FMN2: variants seen among roughly 807,000 people sequenced by gnomAD.
FMN2 encodes the protein formin 2.
FMN2 carries 51 observed loss-of-function variants against 142.3 expected under a neutral mutation model. The ratio of observed to expected loss-of-function variants is 0.36; its 90% CI spans 0.29 to 0.45. The LOEUF (loss-of-function observed/expected upper bound fraction) is 0.45. Among genes scored for constraint, FMN2 ranks in the 20% least tolerant of loss-of-function variants. The probability of loss-of-function intolerance (pLI) is 1.00; values close to 1 mark genes in which losing one functional copy is unlikely to be tolerated. For synonymous variants in FMN2, 882 were observed against 869.8 expected (o/e 1.01, Z -0.25); for missense variants, 1,936 against 2,122.8 (o/e 0.91, Z 1.73).
chr1:240,423,836 G>C (rs1674850769), intron 15 of FMN2, among the ~76,000 whole-genome samples: 1 of 152,194 alleles, frequency 6.6e-6, no homozygotes, highest in Non-Finnish European at 1.5e-5. Context: ...CAGAACTGCT[G>C]CATTGACAGT....
At chr1:240,429,722 A>G (rs1198392444) in intron 15 of FMN2, among the ~76,000 whole-genome samples, 1 of 152,176 alleles carries the variant, frequency 6.6e-6, no homozygotes, top group Non-Finnish European at 1.5e-5. Flanking sequence ...GAGGAACTTC[A>G]TATTGATATA....
At chr1:240,269,664 T>C (rs1329687313) in intron 7 of FMN2, among the ~76,000 whole-genome samples, 1 of 152,058 alleles carries the variant, frequency 6.6e-6, no homozygotes, top group Non-Finnish European at 1.5e-5. Context: ...TATTGAGTCT[T>C]CCAATCCATA....
Position 240,144,510 on chromosome 1 carries a change from C to T in FMN2, c.1782+21165C>T, listed in dbSNP as rs1193414140. 2.7e-6 allele frequency: 4 copies of T among 1,509,010 alleles called. No individual in the cohort carries two copies. In the African/African-American group the frequency reaches 5.5e-5, roughly 21 times the overall value. 93.5% of individuals were successfully genotyped at this position (1,509,010 alleles called of 1,614,324 possible). A position where few individuals can be genotyped will look rare whatever the true frequency, so the allele number is the denominator to read the frequency against. On this transcript the variant is annotated intron_variant, in intron 2 of 17. Transcript: ENST00000319653. ...AGCATGAATGCCATCTGTTTCTGTA[C>T]TACCACATCCTCGCAGGATGTGAAG...
chr1:240,196,296 C>T (rs576457054), intron 4 of FMN2, among the ~76,000 whole-genome samples: 2 of 152,264 alleles, frequency 1.3e-5, no homozygotes, highest in Admixed American at 6.5e-5. Flanking sequence ...CATTACTTCT[C>T]AGCTAAGGTG....
chr1:240,098,064 C>A (rs1418652765), intron 1 of FMN2, among the ~76,000 whole-genome samples: 2 of 141,402 alleles, frequency 1.4e-5, no homozygotes, highest in East Asian at 4.3e-4. Context: ...GATTGTGCAA[C>A]TCTGATTTTG....
At chr1:240,152,264 T>G (rs1178534715) in intron 2 of FMN2, among the ~76,000 whole-genome samples, 1 of 152,018 alleles carries the variant, frequency 6.6e-6, no homozygotes, top group Non-Finnish European at 1.5e-5. Flanking sequence ...GTCTAGAATC[T>G]GTGTGCTCTT....
At chr1:240,155,031 G>A (rs940418779) in intron 2 of FMN2, among the ~76,000 whole-genome samples, 1 of 151,334 alleles carries the variant, frequency 6.6e-6, no homozygotes, top group Non-Finnish European at 1.5e-5. Flanking sequence ...GCTAGGACTA[G>A]AGTTGCACAC....
At chr1:240,241,168 T>C (rs1240947289) in intron 6 of FMN2, among the ~76,000 whole-genome samples, 2 of 151,878 alleles carry the variant, frequency 1.3e-5, no homozygotes, top group African/African-American at 4.8e-5. Flanking sequence ...ATATACCTAA[T>C]GCCATTTTGT....
chr1:240,117,401 T>G (rs1662066323), intron 1 of FMN2, among the ~76,000 whole-genome samples: 1 of 152,202 alleles, frequency 6.6e-6, no homozygotes. Flanking sequence ...TGGCTTTCTT[T>G]TACAATGTTC....
intron 1 of FMN2, among the ~76,000 whole-genome samples, chr1:240,122,755 A>C (rs143238389): frequency 4.6e-4 from 70 of 152,206 alleles, no homozygotes; most frequent in African/African-American, 1.6e-3. Context: ...CATGTCTATT[A>C]AAGAAAAAAA....
chr1:240,381,623 C>T (rs1425705895), intron 14 of FMN2, among the ~76,000 whole-genome samples: 2 of 151,996 alleles, frequency 1.3e-5, no homozygotes, highest in African/African-American at 4.8e-5. Context: ...AGATACGGGA[C>T]TTCTCCATGT....
chr1:240,275,761 T>C (rs889973460), intron 7 of FMN2, among the ~76,000 whole-genome samples: 3 of 152,204 alleles, frequency 2.0e-5, no homozygotes, highest in African/African-American at 7.2e-5. Context: ...TGTTGTTTCC[T>C]GACTTTTTAA....
intron 7 of FMN2, among the ~76,000 whole-genome samples, chr1:240,286,901 T>C (rs2102947093): frequency 6.6e-6 from 1 of 152,296 alleles, no homozygotes; most frequent in East Asian, 1.9e-4. Context: ...AAGCTCTACC[T>C]TGTGCTTTTA....
chr1:240,404,254 G>A (rs1240325482), intron 15 of FMN2, among the ~76,000 whole-genome samples: 1 of 152,198 alleles, frequency 6.6e-6, no homozygotes, highest in Non-Finnish European at 1.5e-5. Context: ...TTTGTAAAAT[G>A]TTTATCCAAG....
intron 13 of FMN2, among the ~76,000 whole-genome samples, chr1:240,337,214 T>TTTTC (rs1558440629): frequency 1.8e-4 from 26 of 142,820 alleles, no homozygotes; most frequent in African/African-American, 7.3e-4. Context: ...TTTTTTTTTT[T>TTTTC]TTTTTTTTTT....
chr1:240,285,806 T>C (rs1354004511), intron 7 of FMN2, among the ~76,000 whole-genome samples: 5 of 152,074 alleles, frequency 3.3e-5, no homozygotes, highest in African/African-American at 1.2e-4. Flanking sequence ...GATGAGTGGG[T>C]TTAGGAAGTG....
intron 7 of FMN2, among the ~76,000 whole-genome samples, chr1:240,264,068 A>T (rs1370953193): frequency 6.6e-6 from 1 of 152,208 alleles, no homozygotes; most frequent in East Asian, 1.9e-4. Context: ...TTAATTTCTG[A>T]GCCTAATGAT....
intron 14 of FMN2, among the ~76,000 whole-genome samples, chr1:240,358,025 A>G (rs1331535944): frequency 6.6e-6 from 1 of 152,312 alleles, no homozygotes; most frequent in South Asian, 2.1e-4. Context: ...GTATTCTTAG[A>G]AGTAGGAAAT....
At chr1:240,246,415 C>A (rs946132952) in intron 6 of FMN2, among the ~76,000 whole-genome samples, 1 of 152,108 alleles carries the variant, frequency 6.6e-6, no homozygotes, top group Non-Finnish European at 1.5e-5. Flanking sequence ...CAGCTATAAC[C>A]ATGCCACTAA....
Sources: gnomAD v4.1 joint callset for allele counts (sites outside exome capture counted in the v4.1 genomes callset) on GRCh38, gnomAD v4.1.1 for gene constraint, MANE v1.5 for transcripts, NCBI Gene and HGNC (gene_info 2026-07-23, HGNC 2026-07-21) for gene names.